CPAMD8: variants seen among roughly 807,000 people sequenced by gnomAD.
CPAMD8 encodes the protein C3 and PZP like alpha-2-macroglobulin domain containing 8, also known as C3 and PZP-like alpha-2-macroglobulin domain-containing protein 8.
CPAMD8 carries 146 observed loss-of-function variants against 224.7 expected under a neutral mutation model. The ratio of observed to expected loss-of-function variants is 0.65; its 90% CI spans 0.57 to 0.75. The LOEUF (loss-of-function observed/expected upper bound fraction) is 0.75. CPAMD8 is among the 30% of genes least tolerant of loss of function. The pLI, the probability that CPAMD8 is intolerant of heterozygous loss-of-function variation, is 0.00. For missense variants in CPAMD8, 2,301 were observed against 2,537.5 expected, an observed-to-expected ratio of 0.91 and a Z score of 2.00; for synonymous variants, 966 against 1,044.6, an observed-to-expected ratio of 0.92 and a Z score of 1.45.
chr19:17,017,661 T>C (rs1306250859), intron 3 of CPAMD8, among the ~76,000 whole-genome samples: 16 of 152,186 alleles, frequency 1.1e-4, no homozygotes, highest in Non-Finnish European at 1.5e-5. Context: ...CTCCAAACTT[T>C]ACGAAATGTG....
chr19:16,922,069 C>T, intron 26 of CPAMD8, 83 bp from the exon 27 acceptor site: 1 of 895,710 alleles, frequency 1.1e-6, no homozygotes, highest in East Asian at 2.7e-5. Flanking sequence ...ACTCTGCCGT[C>T]CCCTACCCCG....
chr19:17,011,407 G>T, intron 5 of CPAMD8, 57 bp downstream of exon 5: 2 of 1,582,942 alleles, frequency 1.3e-6, no homozygotes, highest in Admixed American at 3.4e-5. Context: ...GGTGGCCCTG[G>T]CCAGGTAGTC....
intron 11 of CPAMD8, among the ~76,000 whole-genome samples, chr19:16,994,117 G>A (rs561729013): frequency 2.2e-4 from 33 of 152,278 alleles, no homozygotes; most frequent in African/African-American, 7.9e-4. Context: ...GAGAAAAAAA[G>A]TTTTAAATGA....
rs751669790 is a variant in CPAMD8 at position 16,928,214 on chromosome 19, T to C, written c.3165A>G (p.Pro1055=). Residue 1055 remains proline, a synonymous_variant, in exon 25 of 42, where the codon CCA becomes CCG. Coordinates refer to ENST00000443236, the MANE Select transcript of CPAMD8 (RefSeq NM_015692.5). The part of the protein sequence containing the change: ...GLIQVGHGPE[P]SNESVIVAWT... ...AGGCCACAATGACAGACTCATTGGA[T>C]GGCTCTGGACCATGGCCAACCTGGA... 6.2e-7 allele frequency: 1 copy of C among 1,613,832 alleles called. No homozygotes were observed. The highest frequency in any genetic ancestry group is 1.3e-5 in the African/African-American group (1 of 74,940).
intron 3 of CPAMD8, chr19:17,013,233 G>T (rs2056711463): frequency 6.6e-6 from 1 of 152,002 alleles, no homozygotes; most frequent in East Asian, 1.9e-4. Flanking sequence ...CACAAGCCAG[G>T]CGCGATGGCT....
Position 17,008,561 on chromosome 19 carries a change from T to G in CPAMD8, c.505-2A>C, listed in dbSNP as rs1372121480. The G allele has an allele frequency of 6.2e-7, 1 of 1,614,016 alleles. No individual in the cohort carries two copies. Among genetic ancestry groups the G allele is most frequent in the Non-Finnish European group, 8.5e-7 (1 of 1,180,008 alleles). ...TATCATCCGAGAGCCTCGGGGGTCC[T>G]GTTGGTGGTGGAGGGGGACAGACAC... On this transcript the variant is annotated splice_acceptor_variant, in intron 6 of 41. Coordinates refer to ENST00000443236, the MANE Select transcript of CPAMD8 (RefSeq NM_015692.5). LOFTEE classifies it high-confidence loss of function.
At chr19:16,910,272 C>T (rs1005970288) in intron 29 of CPAMD8, among the ~76,000 whole-genome samples, 7 of 151,316 alleles carry the variant, frequency 4.6e-5, no homozygotes, top group South Asian at 2.1e-4. Context: ...CAGGTTCAAG[C>T]GATTCTTCTG....
intron 2 of CPAMD8, among the ~76,000 whole-genome samples, chr19:17,021,493 C>T (rs1255162842): frequency 6.6e-6 from 1 of 152,184 alleles, no homozygotes; most frequent in Non-Finnish European, 1.5e-5. Flanking sequence ...AATGAGTCTA[C>T]CTCCCCTGGG....
intron 8 of CPAMD8, among the ~76,000 whole-genome samples, chr19:17,003,973 C>G (rs1215421327): frequency 6.6e-6 from 1 of 151,202 alleles, no homozygotes; most frequent in African/African-American, 2.4e-5. Flanking sequence ...GTAGTGCGAT[C>G]TTGGCTCACT....
Position 16,997,216 on chromosome 19 carries a change from C to G in CPAMD8, c.990G>C (p.Gln330His). ...AMVTSVDGSQ[Q>H]VAFDDSTPVQ... is the part of the protein sequence containing the mutation. ...CGGGGGTGGAGTCATCGAACGCGAC[C>G]TGCTGGCTCCCGTCCACACTGGTCA... The change falls in exon 11 of 42, where the codon CAG (glutamine) becomes CAC (histidine). Residue 330 changes from glutamine to histidine, a missense_variant. Around this residue, in one of 4 missense-constraint regions of CPAMD8, gnomAD observed 301 missense variants for 406.6 expected, o/e 0.74. Transcript: ENST00000443236. The G allele has an allele frequency of 6.4e-7, 1 of 1,568,306 alleles. No homozygotes were observed. The highest frequency in any genetic ancestry group is 1.7e-4 in the Middle Eastern group (1 of 5,968).
intron 10 of CPAMD8, among the ~76,000 whole-genome samples, chr19:16,998,463 A>C (rs2056204727): frequency 1.3e-5 from 2 of 152,200 alleles, no homozygotes; most frequent in Admixed American, 1.3e-4. Context: ...CCATCTCAAT[A>C]AATAAATTAA....
intron 3 of CPAMD8, among the ~76,000 whole-genome samples, chr19:17,017,170 G>A (rs2056834884): frequency 6.6e-6 from 1 of 152,166 alleles, no homozygotes; most frequent in Non-Finnish European, 1.5e-5. Context: ...CATGGGAGGG[G>A]TCTAGATTGC....
chr19:16,990,368 G>C (rs1413272996), intron 12 of CPAMD8, among the ~76,000 whole-genome samples: 1 of 151,890 alleles, frequency 6.6e-6, no homozygotes, highest in Non-Finnish European at 1.5e-5. Flanking sequence ...GATCACTTGG[G>C]CCCAGGAGTT....
intron 10 of CPAMD8, 65 bp from the exon 11 acceptor site, chr19:16,997,403 G>C: frequency 1.1e-6 from 1 of 935,808 alleles, no homozygotes; most frequent in Non-Finnish European, 1.7e-6. Flanking sequence ...GGATGTCCCT[G>C]AAACACACAC....
At chr19:16,895,881 G>A (rs930412195) in intron 41 of CPAMD8, 2 of 549,616 alleles carry the variant, frequency 3.6e-6, no homozygotes, top group African/African-American at 1.9e-5. Context: ...TCCTTGACCC[G>A]TATGCGCGCG....
rs752017940 is a variant in CPAMD8, at chr19:16,925,247, G to A, written c.3496C>T (p.Gln1166Ter). 6.2e-7 allele frequency: 1 copy of A among 1,614,210 alleles called. No individual in the cohort carries two copies. Among genetic ancestry groups the A allele is most frequent in the Non-Finnish European group, 8.5e-7 (1 of 1,180,042 alleles). Residue 1166 changes from glutamine (Q) to a stop codon, truncating the protein, a stop_gained, in exon 26 of 42, where the codon CAG (glutamine) becomes TAG (stop). Transcript: ENST00000443236. LOFTEE classifies it high-confidence loss of function. ...VFVLKYLQKT[Q>*]QLSPEVERET... ...CTCTCCACCTCAGGGCTGAGCTGCT[G>A]GGTTTTCTGAAGATACTTCAAGACA...
chr19:16,914,290 A>C (rs1217923441), intron 29 of CPAMD8, 134 bp downstream of exon 29: 2 of 674,070 alleles, frequency 3.0e-6, no homozygotes, highest in African/African-American at 1.8e-5. Flanking sequence ...GTTGATGAAA[A>C]GCATGAAAAA....
chr19:16,945,596 T>C lies in CPAMD8; in HGVS notation c.2746A>G (p.Arg916Gly). 6.2e-7 allele frequency: 1 copy of C among 1,614,152 alleles called. No individual in the cohort carries two copies. Among genetic ancestry groups the C allele is most frequent in the Non-Finnish European group, 8.5e-7 (1 of 1,179,996 alleles). Residue 916 changes from arginine to glycine, a missense_variant, in exon 22 of 42, where the codon AGG becomes GGG. Transcript: ENST00000443236. ...ACGTGATCCACCCCGATGGGGACCC[T>C]CCTGTCGGCGTGATTCTCCTCAGGG... The part of the protein sequence containing the change: ...KHPEENHADR[R>G]VPIGVDHVRR...
chr19:17,009,115 G>A, intron 6 of CPAMD8, 188 bp downstream of exon 6: 4 of 821,666 alleles, frequency 4.9e-6, no homozygotes, highest in Non-Finnish European at 7.6e-6. Context: ...AAAGGAAACG[G>A]ACAGACACAC....
Sources: gnomAD v4.1 joint callset for allele counts (sites outside exome capture counted in the v4.1 genomes callset) on GRCh38, gnomAD v4.1.1 for gene constraint, gnomAD v4.1.1 regional missense constraint, MANE v1.5 for transcripts, NCBI Gene and HGNC (gene_info 2026-07-23, HGNC 2026-07-21) for gene names.